Variants in PKHD1 observed in about 807,000 individuals in gnomAD.
PKHD1 encodes the protein PKHD1 ciliary IPT domain containing fibrocystin/polyductin, also known as fibrocystin.
Under a neutral mutation model 412.0 loss-of-function variants are expected in PKHD1, and 291 were observed. The observed-to-expected ratio is 0.71, with a 90% CI of 0.64 to 0.78. The LOEUF (loss-of-function observed/expected upper bound fraction) is 0.78, where lower values mean the gene tolerates loss of function less well. PKHD1 is among the 30% of genes least tolerant of loss of function. PKHD1 has a pLI of 0.00. For missense variants in PKHD1, 4,825 were observed against 4,950.7 expected, an observed-to-expected ratio of 0.97 and a Z score of 0.76; for synonymous variants, 1,777 against 1,821.5, an observed-to-expected ratio of 0.98 and a Z score of 0.62.
chr6:52,050,993 C>T (rs1806752435), intron 21 of PKHD1, among the ~76,000 whole-genome samples: 1 of 152,238 alleles, frequency 6.6e-6, no homozygotes, highest in South Asian at 2.1e-4. Context: ...GCTTCTTCCC[C>T]AAGATTGGTT....
chr6:51,895,951 T>A (rs904072830), intron 43 of PKHD1, among the ~76,000 whole-genome samples: 1 of 152,110 alleles, frequency 6.6e-6, no homozygotes, highest in African/African-American at 2.4e-5. Flanking sequence ...AATACTGCGC[T>A]TTTCCGACGG....
At chr6:52,048,406 T>C (rs1806201136) in intron 23 of PKHD1, 86 bp downstream of exon 23, 4 of 1,294,742 alleles carry the variant, frequency 3.1e-6, no homozygotes, top group Non-Finnish European at 4.5e-6. Context: ...ATCACCTGTC[T>C]GACAACCTCC....
intron 39 of PKHD1, among the ~76,000 whole-genome samples, chr6:51,910,543 T>C (rs1285581103): frequency 6.6e-6 from 1 of 152,160 alleles, no homozygotes; most frequent in African/African-American, 2.4e-5. Context: ...TGACTTATTT[T>C]GAGAATATTG....
chr6:51,807,139 T>A (rs1310469901), intron 52 of PKHD1, among the ~76,000 whole-genome samples: 2 of 151,856 alleles, frequency 1.3e-5, no homozygotes, highest in Non-Finnish European at 2.9e-5. Flanking sequence ...TAAAAATATA[T>A]CTATCTGGCC....
At chr6:51,727,559 T>C (rs1421381819) in intron 60 of PKHD1, among the ~76,000 whole-genome samples, 1 of 152,180 alleles carries the variant, frequency 6.6e-6, no homozygotes, top group Non-Finnish European at 1.5e-5. Flanking sequence ...TTTAAACCCC[T>C]TCTCATGATT....
chr6:51,629,626 T>A (rs984217691), intron 65 of PKHD1, among the ~76,000 whole-genome samples: 1 of 152,086 alleles, frequency 6.6e-6, no homozygotes, highest in Non-Finnish European at 1.5e-5. Flanking sequence ...CAATTTTACT[T>A]AAGAATATCT....
chr6:51,832,262 T>C (rs773796946), intron 51 of PKHD1, among the ~76,000 whole-genome samples: 39 of 152,002 alleles, frequency 2.6e-4, no homozygotes, highest in Non-Finnish European at 3.8e-4. Flanking sequence ...CCGAGGGAAG[T>C]AGTAACTCAG....
intron 35 of PKHD1, among the ~76,000 whole-genome samples, chr6:51,979,647 C>CT (rs1794896963): frequency 6.6e-6 from 1 of 151,972 alleles, no homozygotes; most frequent in Non-Finnish European, 1.5e-5. Flanking sequence ...GAGTGTAGAG[C>CT]TTAGAAAAGA....
Position 51,747,357 on chromosome 6 carries a change from A to G in PKHD1, c.9829+430T>C, listed in dbSNP as rs533115546. ...TCTACATTTCAATTTCCTCACTTGT[A>G]TAATAGGAAAAATAACACCTAACCA... On this transcript the variant is annotated intron_variant, in intron 58 of 66. Coordinates refer to ENST00000371117, the MANE Select transcript of PKHD1 (RefSeq NM_138694.4). Among the ~76,000 whole-genome samples the G allele has an allele frequency of 5.1e-4, 78 of 152,166 alleles. 1 individual carries two copies. Among genetic ancestry groups the G allele is most frequent in the Non-Finnish European group, 9.6e-4 (65 of 68,028 alleles).
At chr6:52,028,568 G>A (rs1269018068) in intron 29 of PKHD1, among the ~76,000 whole-genome samples, 1 of 147,306 alleles carries the variant, frequency 6.8e-6, no homozygotes, top group Non-Finnish European at 1.5e-5. Context: ...CAGGAGTGCT[G>A]TGGTGCAATC....
At chr6:51,947,483 T>C (rs1243287942) in intron 36 of PKHD1, among the ~76,000 whole-genome samples, 2 of 152,220 alleles carry the variant, frequency 1.3e-5, no homozygotes, top group Admixed American at 6.5e-5. Flanking sequence ...TCTAATTTCA[T>C]GTCTTCATTT....
rs1768770575 is a variant in PKHD1 at position 51,637,732 on chromosome 6, C to T, written c.11506+1117G>A. On this transcript the variant is annotated intron_variant, in intron 64 of 66. Coordinates refer to ENST00000371117, the MANE Select transcript of PKHD1 (RefSeq NM_138694.4). ...CAGCCTGGCCAACATGGTGAAACCT[C>T]ATTTCTACTAAAAATACAAAAATTA... Among the ~76,000 whole-genome samples, 3 of 152,002 alleles carry T rather than the reference C, an allele frequency of 2.0e-5. No homozygotes were observed. In the South Asian group the frequency reaches 6.2e-4, roughly 32 times the overall value.
intron 60 of PKHD1, among the ~76,000 whole-genome samples, chr6:51,678,010 G>A (rs548629240): frequency 1.3e-5 from 2 of 152,128 alleles, no homozygotes; most frequent in Non-Finnish European, 2.9e-5. Context: ...TTGTATTTTC[G>A]TTATTTTGTT....
At chr6:52,035,993 G>A (rs1250926122) in intron 27 of PKHD1, among the ~76,000 whole-genome samples, 1 of 152,142 alleles carries the variant, frequency 6.6e-6, no homozygotes, top group Non-Finnish European at 1.5e-5. Flanking sequence ...CCACAAGTCT[G>A]AAGAGGTAGT....
chr6:52,024,441 G>C, intron 32 of PKHD1, 133 bp downstream of exon 32: 4 of 840,218 alleles, frequency 4.8e-6, no homozygotes, highest in Non-Finnish European at 8.1e-6. Flanking sequence ...AAGGAATTGG[G>C]ATTGTAAGAA....
rs959294969 is a variant in PKHD1, at chr6:51,684,162, T to C, written c.10157-24193A>G. Among the ~76,000 whole-genome samples, 3 of 152,066 alleles carry C rather than the reference T, an allele frequency of 2.0e-5. No individual in the cohort carries two copies. The South Asian group carries it at 6.2e-4, about 32-fold the overall frequency. On this transcript the variant is annotated intron_variant, in intron 60 of 66. Transcript: ENST00000371117. The stretch of plus-strand genomic sequence containing the variant: ...CGGTGTGTTTTTATTGCTTCCATTT[T>C]CCAAATAAGAAAGTTGAACTTGTAG...
chr6:51,672,941 A>C (rs1024303474), intron 60 of PKHD1, among the ~76,000 whole-genome samples: 2 of 152,204 alleles, frequency 1.3e-5, no homozygotes, highest in East Asian at 3.8e-4. Context: ...GTGAGTAGTA[A>C]GGTACTGTGG....
chr6:51,934,428 A>G, intron 36 of PKHD1, 106 bp from the exon 37 acceptor site: 1 of 757,516 alleles, frequency 1.3e-6, no homozygotes, highest in Non-Finnish European at 2.4e-6. Context: ...TTCTGCTGGA[A>G]TGTAGACTTA....
At chr6:51,852,227 A>C (rs1476124798) in intron 49 of PKHD1, among the ~76,000 whole-genome samples, 1 of 152,146 alleles carries the variant, frequency 6.6e-6, no homozygotes, top group Non-Finnish European at 1.5e-5. Flanking sequence ...GAGTTTCTTA[A>C]TCCTGAGTTA....
Sources: allele counts gnomAD v4.1 joint callset (sites outside exome capture counted in the v4.1 genomes callset), GRCh38; gene constraint gnomAD v4.1.1; transcripts MANE v1.5; gene names NCBI Gene and HGNC (gene_info 2026-07-23, HGNC 2026-07-21).